Variants in FRMD5 observed in about 807,000 individuals in gnomAD.
FRMD5 encodes the protein FERM domain-containing protein 5.
In FRMD5, 20 loss-of-function variants were observed where a neutral mutation model predicts 69.0. That is an observed-to-expected ratio of 0.29 (90% CI 0.20 to 0.42). FRMD5 has a LOEUF of 0.42. Among genes scored for constraint, FRMD5 ranks in the 10% least tolerant of loss-of-function variants. The pLI, the probability that FRMD5 is intolerant of heterozygous loss-of-function variation, is 1.00. For synonymous variants in FRMD5, 271 were observed against 260.1 expected (o/e 1.04, Z -0.40); for missense variants, 595 against 708.6 (o/e 0.84, Z 1.82).
intron 1 of FRMD5, among the ~76,000 whole-genome samples, chr15:44,029,853 C>T (rs2140280956): frequency 6.6e-6 from 1 of 152,300 alleles, no homozygotes; most frequent in Non-Finnish European, 1.5e-5. Flanking sequence ...TGCATGGCCA[C>T]AGCATTCTGC....
At chr15:43,910,713 C>G (rs1377859708) in intron 4 of FRMD5, among the ~76,000 whole-genome samples, 1 of 150,922 alleles carries the variant, frequency 6.6e-6, no homozygotes, top group Non-Finnish European at 1.5e-5. Flanking sequence ...ATATCAAAAA[C>G]AAGAGCAAAT....
intron 1 of FRMD5, among the ~76,000 whole-genome samples, chr15:44,042,634 C>T (rs1892250500): frequency 6.6e-6 from 1 of 152,238 alleles, no homozygotes; most frequent in African/African-American, 2.4e-5. Context: ...ATACGCAAAT[C>T]AATAAACGTA....
At chr15:44,081,203 T>A (rs945973647) in intron 1 of FRMD5, among the ~76,000 whole-genome samples, 4 of 152,122 alleles carry the variant, frequency 2.6e-5, no homozygotes, top group Non-Finnish European at 5.9e-5. Context: ...AAAAAATTCA[T>A]TACACTCCAT....
intron 1 of FRMD5, among the ~76,000 whole-genome samples, chr15:44,039,321 G>C (rs2140309019): frequency 6.6e-6 from 1 of 152,334 alleles, no homozygotes; most frequent in South Asian, 2.1e-4. Context: ...TTCAAGCTCT[G>C]ATAAGGGACA....
At chr15:44,120,808 G>A (rs1394746916) in intron 1 of FRMD5, among the ~76,000 whole-genome samples, 3 of 152,094 alleles carry the variant, frequency 2.0e-5, no homozygotes, top group South Asian at 2.1e-4. Context: ...GACTACAGGC[G>A]TGAGCCACCG....
At chr15:44,002,801 T>C (rs552608909) in intron 1 of FRMD5, among the ~76,000 whole-genome samples, 30 of 152,186 alleles carry the variant, frequency 2.0e-4, no homozygotes, top group Non-Finnish European at 3.1e-4. Context: ...TTCTGCCTTT[T>C]AGTTTTTACT....
At chr15:44,166,454 T>C (rs933112924) in intron 1 of FRMD5, among the ~76,000 whole-genome samples, 10 of 152,172 alleles carry the variant, frequency 6.6e-5, no homozygotes, top group African/African-American at 2.4e-4. Flanking sequence ...TTGGATCTTT[T>C]TCTTTTTTAT....
At chr15:44,162,127 G>C (rs1006910190) in intron 1 of FRMD5, among the ~76,000 whole-genome samples, 1 of 152,074 alleles carries the variant, frequency 6.6e-6, no homozygotes, top group Non-Finnish European at 1.5e-5. Context: ...ACCACACTCG[G>C]CTAATTTTTG....
chr15:44,100,833 A>T (rs190520055), intron 1 of FRMD5, among the ~76,000 whole-genome samples: 6 of 152,276 alleles, frequency 3.9e-5, no homozygotes, highest in African/African-American at 1.4e-4. Context: ...TAAACAAGGG[A>T]ACTAGTTCCT....
chr15:44,140,663 G>A (rs2077257432), intron 1 of FRMD5, among the ~76,000 whole-genome samples: 1 of 151,980 alleles, frequency 6.6e-6, no homozygotes, highest in South Asian at 2.1e-4. Flanking sequence ...TGGATCACTT[G>A]AGCTCAAGAG....
At position 44,063,534 on chromosome 15, in the gene FRMD5, A is replaced by G. The variant is rs1414012743; in HGVS notation, c.102+131419T>C. The G allele has an allele frequency of 4.3e-5, 21 of 483,680 alleles. No individual in the cohort carries two copies. In the East Asian group the frequency reaches 1.2e-3, roughly 28 times the overall value. The allele number at this position is 483,680 out of a possible 1,614,324, so 30.0% of individuals were successfully genotyped here. On this transcript the variant is annotated intron_variant, in intron 1 of 13. Coordinates refer to ENST00000417257, the MANE Select transcript of FRMD5 (RefSeq NM_032892.5). ...CCATGGTGAAGGTGAAGGCCAGGGT[A>G]AATGAATTTAGTTGTACTGGTCACC...
At chr15:44,112,811 G>A (rs2076817858) in intron 1 of FRMD5, among the ~76,000 whole-genome samples, 1 of 151,200 alleles carries the variant, frequency 6.6e-6, no homozygotes, top group Admixed American at 6.6e-5. Context: ...TGGCCAGGCT[G>A]GTCTCGAACT....
intron 1 of FRMD5, among the ~76,000 whole-genome samples, chr15:44,173,929 A>AT (rs907992518): frequency 6.7e-4 from 100 of 149,878 alleles, no homozygotes; most frequent in African/African-American, 2.0e-3. Flanking sequence ...CATTTTCTCT[A>AT]TTTTTTTTTT....
At chr15:44,191,530 G>T (rs889835425) in intron 1 of FRMD5, among the ~76,000 whole-genome samples, 41 of 151,986 alleles carry the variant, frequency 2.7e-4, no homozygotes, top group Non-Finnish European at 4.7e-4. Flanking sequence ...AGGTTGCAGT[G>T]AGCTTAGATT....
intron 1 of FRMD5, among the ~76,000 whole-genome samples, chr15:43,972,205 T>G (rs532723385): frequency 6.6e-6 from 1 of 151,850 alleles, no homozygotes; most frequent in Non-Finnish European, 1.5e-5. Context: ...AGAGAGTTCA[T>G]AGAGCATGGA....
intron 1 of FRMD5, among the ~76,000 whole-genome samples, chr15:43,943,970 C>A (rs532583720): frequency 6.6e-6 from 1 of 152,308 alleles, no homozygotes; most frequent in South Asian, 2.1e-4. Flanking sequence ...CCTCTTTCTA[C>A]TTAGAGCAAA....
At chr15:44,181,451 T>TA (rs1159910722) in intron 1 of FRMD5, among the ~76,000 whole-genome samples, 1 of 152,172 alleles carries the variant, frequency 6.6e-6, no homozygotes, top group Non-Finnish European at 1.5e-5. Flanking sequence ...GGTAAAATCT[T>TA]ACATAACTAT....
At chr15:44,178,440 C>A (rs2077938113) in intron 1 of FRMD5, among the ~76,000 whole-genome samples, 1 of 152,190 alleles carries the variant, frequency 6.6e-6, no homozygotes. Flanking sequence ...TATACCAGAA[C>A]TCACCCTTAC....
chr15:44,022,414 A>C (rs957301772), intron 1 of FRMD5, among the ~76,000 whole-genome samples: 36 of 151,238 alleles, frequency 2.4e-4, no homozygotes, highest in Non-Finnish European at 3.7e-4. Context: ...AAAAAAAAAA[A>C]CATACGAAAA....
Sources: gnomAD v4.1 joint callset for allele counts (sites outside exome capture counted in the v4.1 genomes callset) on GRCh38, gnomAD v4.1.1 for gene constraint, MANE v1.5 for transcripts, NCBI Gene and HGNC (gene_info 2026-07-23, HGNC 2026-07-21) for gene names.